The following WARS1 variants were observed in gnomAD, a reference collection of about 807,000 sequenced individuals.
WARS1 encodes the protein tryptophanyl-tRNA synthetase 1.
WARS1 carries 17 observed loss-of-function variants against 47.8 expected under a neutral mutation model. The observed-to-expected ratio is 0.36, with a 90% confidence interval of 0.24 to 0.53. The LOEUF (loss-of-function observed/expected upper bound fraction) is 0.53, where lower values mean the gene tolerates loss of function less well. Ranked by LOEUF, WARS1 falls within the 20% of genes least tolerant of loss-of-function variation. The pLI is 0.91. For synonymous variants in WARS1, 208 were observed against 228.1 expected (o/e 0.91, Z 0.79); for missense variants, 434 against 608.0 (o/e 0.71, Z 3.01).
At chr14:100,340,827 C>G (rs1057177991) in intron 9 of WARS1, among the ~76,000 whole-genome samples, 14 of 152,100 alleles carry the variant, frequency 9.2e-5, no homozygotes, top group African/African-American at 3.1e-4. Context: ...TTCCTGACCT[C>G]ATGCTAACTG....
chr14:100,346,162 C>T (rs1298465836), intron 7 of WARS1, among the ~76,000 whole-genome samples: 4 of 123,246 alleles, frequency 3.2e-5, no homozygotes, highest in African/African-American at 1.0e-4. Flanking sequence ...CTGAAAGACA[C>T]ATGGAAATTT....
chr14:100,365,457 G>A (rs1157756487), intron 2 of WARS1: 3 of 249,760 alleles, frequency 1.2e-5, no homozygotes, highest in Non-Finnish European at 2.5e-5. Context: ...GCGGGCGCCT[G>A]CAGTCCCAGC....
Position 100,334,737 on chromosome 14 carries a change from C to A in WARS1, c.*138G>T. ...TCACAGGAAGAAACAGTATTGATAA[C>A]ATACACAGGCTTACAGAGGCCAGGC... On this transcript the variant is annotated 3_prime_UTR_variant, in exon 11 of 11. Coordinates refer to ENST00000392882, the MANE Select transcript of WARS1 (RefSeq NM_004184.4). 1.1e-6 allele frequency: 1 copy of A among 923,144 alleles called. No homozygotes were observed. Among genetic ancestry groups the A allele is most frequent in the Non-Finnish European group, 1.6e-6 (1 of 616,652 alleles). 57.2% of individuals were successfully genotyped at this position (923,144 alleles called of 1,614,324 possible).
At chr14:100,335,281 G>A (rs1893643052) in intron 10 of WARS1, among the ~76,000 whole-genome samples, 1 of 152,198 alleles carries the variant, frequency 6.6e-6, no homozygotes, top group African/African-American at 2.4e-5. Flanking sequence ...AAGGGCCAAT[G>A]GGGAGGGCAG....
intron 1 of WARS1, among the ~76,000 whole-genome samples, chr14:100,372,528 T>C (rs571211609): frequency 7.9e-4 from 120 of 152,194 alleles, no homozygotes; most frequent in African/African-American, 2.8e-3. Flanking sequence ...AATGCCGGAG[T>C]ACCCTCTGCC....
intron 1 of WARS1, among the ~76,000 whole-genome samples, chr14:100,369,553 G>A (rs1004993858): frequency 2.6e-5 from 4 of 152,042 alleles, no homozygotes; most frequent in Non-Finnish European, 5.9e-5. Context: ...TTTGCATCTG[G>A]TGATGCCCCT....
At chr14:100,364,842 T>A (rs1160804811) in intron 2 of WARS1, among the ~76,000 whole-genome samples, 2 of 152,232 alleles carry the variant, frequency 1.3e-5, no homozygotes, top group African/African-American at 4.8e-5. Context: ...CCACTGGGTC[T>A]TTTATTTATT....
chr14:100,362,031 T>C, intron 2 of WARS1, 110 bp from the exon 3 acceptor site: 1 of 1,137,114 alleles, frequency 8.8e-7, no homozygotes, highest in Non-Finnish European at 1.3e-6. Flanking sequence ...CGTGTTACCT[T>C]AGTTAGTGTC....
intron 7 of WARS1, among the ~76,000 whole-genome samples, 155 bp downstream of exon 7, chr14:100,346,591 A>G (rs1376596649): frequency 1.3e-5 from 2 of 152,218 alleles, no homozygotes; most frequent in African/African-American, 4.8e-5. Context: ...TTCCAGGACA[A>G]CGATGACCCA....
At chr14:100,342,243 T>C in intron 9 of WARS1, 155 bp downstream of exon 9, 4 of 1,004,552 alleles carry the variant, frequency 4.0e-6, no homozygotes, top group Non-Finnish European at 6.1e-6. Flanking sequence ...CCTTGAGTTC[T>C]GCAGGGAGCA....
intron 4 of WARS1, among the ~76,000 whole-genome samples, chr14:100,357,532 G>T (rs1457544437): frequency 6.6e-6 from 1 of 151,838 alleles, no homozygotes; most frequent in African/African-American, 2.4e-5. Context: ...CACGATCTCG[G>T]GTCACTGCCA....
At chr14:100,364,323 A>G (rs1278193466) in intron 2 of WARS1, among the ~76,000 whole-genome samples, 3 of 152,124 alleles carry the variant, frequency 2.0e-5, no homozygotes, top group Admixed American at 2.0e-4. Flanking sequence ...CCCCTAGGAA[A>G]CTTGCCGCTT....
rs1051051 is a variant in WARS1, at chr14:100,333,846, G to C, written c.*1029C>G. On this transcript the variant is annotated 3_prime_UTR_variant, in exon 11 of 11. Coordinates refer to ENST00000392882, the MANE Select transcript of WARS1 (RefSeq NM_004184.4). ...GGTGACAGGAGGGCAGAGTGCTCCA[G>C]AGGAGACCCAGATACATCAACCAAG... 2 of 152,744 alleles carry C rather than the reference G, an allele frequency of 1.3e-5. No homozygotes were observed. Among genetic ancestry groups the C allele is most frequent in the African/African-American group, 4.8e-5 (2 of 41,458 alleles). The allele number at this position is 152,744 out of a possible 1,614,324, so 9.5% of individuals were successfully genotyped here.
intron 4 of WARS1, among the ~76,000 whole-genome samples, chr14:100,359,169 T>C (rs1339099348): frequency 6.6e-6 from 1 of 152,246 alleles, no homozygotes; most frequent in Non-Finnish European, 1.5e-5. Flanking sequence ...TTTCGAGGTA[T>C]ATGCCCAAGA....
At chr14:100,352,943 AC>A (rs1895086263) in intron 6 of WARS1, 1 of 152,256 alleles carries the variant, frequency 6.6e-6, no homozygotes, top group Non-Finnish European at 1.5e-5. Flanking sequence ...GACTGAGGAA[AC>A]TGTGTAACCA....
intron 2 of WARS1, chr14:100,365,949 C>T (rs1895961607): frequency 2.2e-6 from 1 of 450,876 alleles, no homozygotes; most frequent in South Asian, 1.6e-5. Flanking sequence ...ACCTTGCGCA[C>T]TTACAGGAGT....
At chr14:100,336,848 G>T in intron 10 of WARS1, 1 of 536,832 alleles carries the variant, frequency 1.9e-6, no homozygotes, top group Non-Finnish European at 3.2e-6. Context: ...GCTCCTAAAT[G>T]AATAGTGATT....
chr14:100,340,312 T>C (rs1006399172), intron 9 of WARS1: 1 of 152,134 alleles, frequency 6.6e-6, no homozygotes, highest in African/African-American at 2.4e-5. Flanking sequence ...GCAACTAAGA[T>C]GATGGAAGTG....
chr14:100,349,390 T>A (rs755694307), intron 6 of WARS1, among the ~76,000 whole-genome samples: 3 of 152,118 alleles, frequency 2.0e-5, no homozygotes, highest in Non-Finnish European at 4.4e-5. Context: ...ACCCCCACCA[T>A]GAGTCTGGCA....
Sources: gnomAD v4.1 joint callset for allele counts (sites outside exome capture counted in the v4.1 genomes callset) on GRCh38, gnomAD v4.1.1 for gene constraint, MANE v1.5 for transcripts, NCBI Gene and HGNC (gene_info 2026-07-23, HGNC 2026-07-21) for gene names.